MEGF10: variants seen among roughly 807,000 people sequenced by gnomAD.
MEGF10 encodes multiple EGF like domains 10.
In MEGF10, 86 loss-of-function variants were observed where a neutral mutation model predicts 147.5. The observed-to-expected ratio is 0.58, with a 90% CI of 0.49 to 0.70. The LOEUF is 0.70. Among genes scored for constraint, MEGF10 ranks in the 30% least tolerant of loss-of-function variants. The pLI, the probability that MEGF10 is intolerant of heterozygous loss-of-function variation, is 0.00. For synonymous variants in MEGF10, 478 were observed against 525.5 expected (o/e 0.91, Z 1.24); for missense variants, 1,329 against 1,487.3 (o/e 0.89, Z 1.75).
At chr5:127,346,645 C>T (rs1761905549) in intron 4 of MEGF10, among the ~76,000 whole-genome samples, 1 of 152,146 alleles carries the variant, frequency 6.6e-6, no homozygotes, top group South Asian at 2.1e-4. Context: ...TGAAGATTTT[C>T]TCCCACTCTG....
At chr5:127,346,755 C>G (rs747594114) in intron 4 of MEGF10, among the ~76,000 whole-genome samples, 5 of 151,966 alleles carry the variant, frequency 3.3e-5, no homozygotes, top group Non-Finnish European at 5.9e-5. Flanking sequence ...GTTGCATTTG[C>G]TTTTGCGTTC....
the MEGF10 span, among the ~76,000 whole-genome samples, chr5:127,254,868 CT>C: frequency 6.6e-6 from 1 of 151,076 alleles, no homozygotes. Flanking sequence ...CTGACAGGTT[CT>C]TTTTGCCCCC....
At chr5:127,388,218 A>G (rs1353114920) in intron 5 of MEGF10, among the ~76,000 whole-genome samples, 2 of 152,066 alleles carry the variant, frequency 1.3e-5, no homozygotes, top group Non-Finnish European at 2.9e-5. Context: ...GCACCATCTC[A>G]GTTCACTGCA....
chr5:127,331,274 T>C lies in MEGF10; in HGVS notation c.-18-17T>C. 1 of 1,352,574 alleles carries C rather than the reference T, an allele frequency of 7.4e-7. No individual in the cohort carries two copies. The highest frequency in any genetic ancestry group is 1.4e-5 in the African/African-American group (1 of 69,248). 83.8% of individuals were successfully genotyped at this position (1,352,574 alleles called of 1,614,324 possible). On this transcript the variant is annotated splice_polypyrimidine_tract_variant and intron_variant, in intron 1 of 24. Coordinates refer to ENST00000503335, the MANE Select transcript of MEGF10 (RefSeq NM_001256545.2). ...CATTTCAATGCATTTCTAATTGGGA[T>C]TTTTTCTTTCTTGTAGGTTGTTCTT...
intron 5 of MEGF10, among the ~76,000 whole-genome samples, chr5:127,387,371 T>C (rs1763471670): frequency 6.6e-6 from 1 of 152,224 alleles, no homozygotes; most frequent in South Asian, 2.1e-4. Context: ...TGTGTGATTA[T>C]GGACATGATA....
intron 22 of MEGF10, among the ~76,000 whole-genome samples, chr5:127,449,799 T>C (rs1032638127): frequency 1.4e-4 from 22 of 152,290 alleles, no homozygotes; most frequent in Non-Finnish European, 2.6e-4. Flanking sequence ...AAATTAGGAC[T>C]CCTTTGCATT....
intron 12 of MEGF10, among the ~76,000 whole-genome samples, chr5:127,421,200 C>T (rs188397282): frequency 5.9e-5 from 9 of 152,342 alleles, no homozygotes; most frequent in Non-Finnish European, 1.0e-4. Context: ...GCCCCTGGCA[C>T]AATCTCGTCC....
chr5:127,309,947 C>CTCTTTCCTTCCT (rs1554088995), intron 1 of MEGF10, among the ~76,000 whole-genome samples: 89 of 90,462 alleles, frequency 9.8e-4, no homozygotes, highest in African/African-American at 3.9e-3. Context: ...TCCTTGCCAA[C>CTCTTTCCTTCCT]TCTTTCTTTC....
chr5:127,232,495 C>T, the MEGF10 span, among the ~76,000 whole-genome samples: 2 of 152,156 alleles, frequency 1.3e-5, no homozygotes, highest in African/African-American at 4.8e-5. Context: ...GTTTAGTGTC[C>T]TAAGGTCAAT....
At chr5:127,363,697 T>G (rs1406904398) in intron 4 of MEGF10, among the ~76,000 whole-genome samples, 2 of 152,186 alleles carry the variant, frequency 1.3e-5, no homozygotes, top group Admixed American at 1.3e-4. Flanking sequence ...CAGTAATAGC[T>G]CTTTGTACTT....
Position 127,443,116 on chromosome 5 carries a change from A to G in MEGF10, c.2481A>G (p.Arg827=), listed in dbSNP as rs1236262666. ...GCAGCCCCGGATGGAAGGGAGCGAG[A>G]TGTGATCAAGGTAAATATACTAGCT... ...CYCSPGWKGA[R]CDQAGVIIVG... Residue 827 remains arginine (R), a synonymous_variant, in exon 19 of 25, where the codon AGA becomes AGG. Coordinates refer to ENST00000503335, the MANE Select transcript of MEGF10 (RefSeq NM_001256545.2). The G allele has an allele frequency of 1.2e-6, 2 of 1,613,242 alleles. No homozygotes were observed. The highest frequency in any genetic ancestry group is 1.7e-5 in the Admixed American group (1 of 60,008).
chr5:127,394,149 G>A (rs1397148575), intron 5 of MEGF10, among the ~76,000 whole-genome samples: 1 of 151,708 alleles, frequency 6.6e-6, no homozygotes, highest in African/African-American at 2.4e-5. Flanking sequence ...CTTTTTTGTT[G>A]GTCAACTAAT....
chr5:127,391,090 G>GCA (rs1485477061), intron 5 of MEGF10, among the ~76,000 whole-genome samples: 1 of 16,980 alleles, frequency 5.9e-5, no homozygotes, highest in East Asian at 7.6e-4. Flanking sequence ...ACACACATGC[G>GCA]CGCGCGCGCG....
intron 5 of MEGF10, among the ~76,000 whole-genome samples, chr5:127,382,856 G>A (rs1223850251): frequency 6.6e-6 from 1 of 152,172 alleles, no homozygotes; most frequent in East Asian, 1.9e-4. Flanking sequence ...GCTAATCTTT[G>A]TAATAACAGG....
chr5:127,412,848 T>G (rs1014967354), intron 9 of MEGF10, among the ~76,000 whole-genome samples: 1 of 152,196 alleles, frequency 6.6e-6, no homozygotes, highest in Admixed American at 6.5e-5. Flanking sequence ...GGAGGCTAAT[T>G]GGTCCTGGAT....
At chr5:127,340,423 A>G in intron 3 of MEGF10, 107 bp from the exon 4 acceptor site, 1 of 734,414 alleles carries the variant, frequency 1.4e-6, no homozygotes, top group South Asian at 2.0e-5. Flanking sequence ...ATGAGTTAGT[A>G]TTATATTGGT....
chr5:127,452,342 T>A (rs1235857321), intron 22 of MEGF10, among the ~76,000 whole-genome samples: 1 of 152,208 alleles, frequency 6.6e-6, no homozygotes, highest in East Asian at 1.9e-4. Context: ...CAAGAGTATT[T>A]GGCAAAGAGG....
chr5:127,443,968 T>C (rs1398032603), intron 19 of MEGF10, among the ~76,000 whole-genome samples: 1 of 152,208 alleles, frequency 6.6e-6, no homozygotes. Flanking sequence ...GTAGAATAAT[T>C]GGGGTATATA....
At position 127,372,158 on chromosome 5, in the gene MEGF10, T is replaced by G. The variant is rs3909351; in HGVS notation, c.412+2156T>G. Reference sequence around the variant, plus strand: ...AAGGATTCTATTTCCATCTCCCCCCTGCTTTGGTTATTGTTATGCATCAAT... The same window carrying G: ...AAGGATTCTATTTCCATCTCCCCCCGGCTTTGGTTATTGTTATGCATCAAT... On this transcript the variant is annotated intron_variant, in intron 5 of 24. Coordinates refer to ENST00000503335, the MANE Select transcript of MEGF10 (RefSeq NM_001256545.2). Among the ~76,000 whole-genome samples, 803 of 152,192 alleles carry G rather than the reference T, an allele frequency of 5.3e-3. 8 individuals are homozygous for G. The highest frequency in any genetic ancestry group is 0.019 in the African/African-American group (775 of 41,506).
Sources: gnomAD v4.1 joint callset for allele counts (sites outside exome capture counted in the v4.1 genomes callset) on GRCh38, gnomAD v4.1.1 for gene constraint, MANE v1.5 for transcripts, NCBI Gene and HGNC (gene_info 2026-07-23, HGNC 2026-07-21) for gene names.